SERPINB11: variants seen among roughly 807,000 people sequenced by gnomAD.
SERPINB11 encodes serpin B11.
In SERPINB11, 32 loss-of-function variants were observed where a neutral mutation model predicts 36.7. The ratio of observed to expected loss-of-function variants is 0.87; its 90% CI spans 0.66 to 1.17. The LOEUF is 1.17. Among genes scored for constraint, SERPINB11 ranks in the 50% most tolerant of loss-of-function variants. The probability of loss-of-function intolerance (pLI) is 0.00; values close to 1 mark genes in which losing one functional copy is unlikely to be tolerated. For synonymous variants in SERPINB11, 174 were observed against 168.1 expected (o/e 1.04, Z -0.27); for missense variants, 528 against 458.4 (o/e 1.15, Z -1.39).
chr18:63,718,243 T>C (rs1266926867), intron 5 of SERPINB11, among the ~76,000 whole-genome samples: 1 of 152,010 alleles, frequency 6.6e-6, no homozygotes, highest in Non-Finnish European at 1.5e-5. Context: ...CCAATGTTGA[T>C]CTCTTCTAGG....
At position 63,723,213 on chromosome 18, in the gene SERPINB11, C is replaced by G; in HGVS notation, c.993C>G (p.Ala331=). Residue 331 remains alanine, a synonymous_variant, in exon 8 of 8, where the codon GCC becomes GCG. Transcript: ENST00000544088. ...SPTKGLYLSK[A]IHKSYLDVSE... is the part of the protein sequence containing the mutation. ...CCAAGGGCCTATATTTATCAAAAGCCATCCACAAGTCATACCTGGATGTCA... is the reference window on the plus strand; with the variant it reads ...CCAAGGGCCTATATTTATCAAAAGCGATCCACAAGTCATACCTGGATGTCA... 6.2e-7 allele frequency: 1 copy of G among 1,613,890 alleles called. No homozygotes were observed. The highest frequency in any genetic ancestry group is 8.5e-7 in the Non-Finnish European group (1 of 1,179,854).
At position 63,723,648 on chromosome 18, in the gene SERPINB11, G is replaced by T; in HGVS notation, c.*249G>T. ...TTCTTATCTGTGGTGTCTCATTTGA[G>T]TGCTGTCCAGTGACATGATCAAGTC... On this transcript the variant is annotated 3_prime_UTR_variant, in exon 8 of 8. Transcript: ENST00000544088. The T allele has an allele frequency of 2.4e-6, 1 of 411,066 alleles. No homozygotes were observed. 25.5% of individuals were successfully genotyped at this position (411,066 alleles called of 1,614,324 possible).
intron 5 of SERPINB11, among the ~76,000 whole-genome samples, chr18:63,717,455 T>A (rs758612863): frequency 6.6e-6 from 1 of 152,056 alleles, no homozygotes; most frequent in Non-Finnish European, 1.5e-5. Flanking sequence ...CCAAGCAATT[T>A]TCTTAAGTGG....
At chr18:63,709,461 G>A (rs6567384) in intron 1 of SERPINB11, among the ~76,000 whole-genome samples, 56,136 of 151,364 alleles carry the variant, frequency 0.37, 11,252 homozygotes, top group East Asian at 0.61. Context: ...AAATACAAAA[G>A]TTAGCCGGGC....
upstream of SERPINB11, among the ~76,000 whole-genome samples, chr18:63,702,574 C>G (rs965999972): frequency 6.6e-6 from 1 of 152,098 alleles, no homozygotes; most frequent in Non-Finnish European, 1.5e-5. Context: ...CTGTGAGACT[C>G]CATCTCAAAA....
chr18:63,718,725 A>G (rs1459139811), intron 5 of SERPINB11, among the ~76,000 whole-genome samples: 1 of 152,124 alleles, frequency 6.6e-6, no homozygotes, highest in Non-Finnish European at 1.5e-5. Flanking sequence ...ATCACTTAAC[A>G]GTGATGAGCT....
At chr18:63,705,588 CT>C (rs1490500904) in intron 1 of SERPINB11, 4 of 152,322 alleles carry the variant, frequency 2.6e-5, no homozygotes, top group African/African-American at 9.6e-5. Context: ...TGACCTCAAC[CT>C]TGTGTACTTG....
At chr18:63,712,447 C>G in intron 3 of SERPINB11, 118 bp from the exon 4 acceptor site, 2 of 1,003,838 alleles carry the variant, frequency 2.0e-6, no homozygotes, top group Non-Finnish European at 1.5e-6. Context: ...AACTAATTTC[C>G]TTGTATTCAC....
Position 63,716,162 on chromosome 18 carries a change from A to G in SERPINB11, c.475+10A>G. The G allele has an allele frequency of 6.6e-7, 1 of 1,508,794 alleles. No individual in the cohort carries two copies. Among genetic ancestry groups the G allele is most frequent in the Non-Finnish European group, 9.2e-7 (1 of 1,091,214 alleles). The allele number at this position is 1,508,794 out of a possible 1,614,324, so 93.5% of individuals were successfully genotyped here. On this transcript the variant is annotated intron_variant, in intron 5 of 7. Coordinates refer to ENST00000544088, the MANE Select transcript of SERPINB11 (RefSeq NM_001370475.1). ...GAAAATAAAACTAATGGTAAGGATA[A>G]GTCAATATGTGTCTCTAAACTCTGT...
At position 63,710,206 on chromosome 18, in the gene SERPINB11, A is replaced by C. The variant is rs1275957739; in HGVS notation, c.13A>C (p.Ser5Arg). 3 of 1,609,986 alleles carry C rather than the reference A, an allele frequency of 1.9e-6. No homozygotes were observed. The Admixed American group carries it at 5.1e-5, about 27-fold the overall frequency. The change falls in exon 2 of 8, where the codon AGC becomes CGC. Residue 5 changes from serine (S) to arginine (R), a missense_variant. Physicochemically the swap from Ser to Arg is moderately radical, Grantham distance 110. Transcript: ENST00000544088. MGSL[S>R]TANVEFCLDV... ...AGTCGGCATAAAAATGGGTTCTCTC[A>C]GCACAGCTAACGTTGAATTTTGCCT...
At chr18:63,704,227 C>G (rs573873318) in intron 1 of SERPINB11, among the ~76,000 whole-genome samples, 1 of 152,288 alleles carries the variant, frequency 6.6e-6, no homozygotes, top group South Asian at 2.1e-4. Context: ...TTTCTCTGCC[C>G]TTACAGAATG....
intron 5 of SERPINB11, 50 bp from the exon 6 acceptor site, chr18:63,719,963 T>C (rs759054767): frequency 1.7e-5 from 25 of 1,463,730 alleles, no homozygotes; most frequent in Non-Finnish European, 2.3e-5. Flanking sequence ...TTCACCTCTC[T>C]ATTATCAGGA....
intron 5 of SERPINB11, among the ~76,000 whole-genome samples, chr18:63,719,200 A>T (rs909771035): frequency 5.9e-5 from 9 of 152,204 alleles, no homozygotes; most frequent in Admixed American, 5.2e-4. Flanking sequence ...CACATGTTAT[A>T]TATTTATGTA....
At position 63,712,856 on chromosome 18, in the gene SERPINB11, T is replaced by A. The variant is rs548782725; in HGVS notation, c.357+163T>A. Among the ~76,000 whole-genome samples the A allele has an allele frequency of 1.5e-3, 233 of 152,340 alleles. 1 individual carries two copies. Among genetic ancestry groups the A allele is most frequent in the Non-Finnish European group, 2.6e-3 (179 of 68,028 alleles). On this transcript the variant is annotated intron_variant, in intron 4 of 7. Coordinates refer to ENST00000544088, the MANE Select transcript of SERPINB11 (RefSeq NM_001370475.1). ...TGAAATGGATTTATTGAAACTCTCA[T>A]GTAAAGTTCCCAAATATCACATAAA... is the stretch of plus-strand genomic sequence containing the variant.
intron 5 of SERPINB11, among the ~76,000 whole-genome samples, chr18:63,718,605 T>A (rs1914727246): frequency 6.6e-6 from 1 of 152,072 alleles, no homozygotes; most frequent in Admixed American, 6.6e-5. Flanking sequence ...ACTTTACTTT[T>A]GTATATTAAC....
intron 2 of SERPINB11, among the ~76,000 whole-genome samples, chr18:63,711,085 C>G (rs1174630114): frequency 6.6e-6 from 1 of 152,128 alleles, no homozygotes; most frequent in African/African-American, 2.4e-5. Flanking sequence ...CTGAGGCAAG[C>G]TGCTTGATCT....
intron 3 of SERPINB11, among the ~76,000 whole-genome samples, chr18:63,711,809 T>C (rs1450348551): frequency 1.3e-5 from 2 of 152,040 alleles, no homozygotes; most frequent in East Asian, 1.9e-4. Flanking sequence ...GGGACTATGG[T>C]CTCTAGTTTT....
intron 1 of SERPINB11, among the ~76,000 whole-genome samples, chr18:63,708,475 T>C (rs114695289): frequency 8.5e-5 from 13 of 152,160 alleles, no homozygotes; most frequent in African/African-American, 2.9e-4. Flanking sequence ...TTTTCATTGA[T>C]TGACTAAGAG....
intron 1 of SERPINB11, among the ~76,000 whole-genome samples, chr18:63,704,415 G>A (rs1914318435): frequency 6.6e-6 from 1 of 152,200 alleles, no homozygotes; most frequent in African/African-American, 2.4e-5. Context: ...AAACAGAAAG[G>A]TAGAATTTTG....
Sources: gnomAD v4.1 joint callset for allele counts (sites outside exome capture counted in the v4.1 genomes callset) on GRCh38, gnomAD v4.1.1 for gene constraint, MANE v1.5 for transcripts, NCBI Gene and HGNC (gene_info 2026-07-23, HGNC 2026-07-21) for gene names.